The following C11orf54 variants were observed in gnomAD, a reference collection of about 807,000 sequenced individuals.
C11orf54 encodes the protein beta-keto L-gulonate decarboxylase.
In C11orf54, 29 loss-of-function variants were observed where a neutral mutation model predicts 35.5. The ratio of observed to expected loss-of-function variants is 0.82; its 90% confidence interval spans 0.61 to 1.11. The LOEUF (loss-of-function observed/expected upper bound fraction) is 1.11, where lower values mean the gene tolerates loss of function less well. Ranked by LOEUF, C11orf54 falls within the 50% of genes most tolerant of loss-of-function variation. The pLI, the probability that C11orf54 is intolerant of heterozygous loss-of-function variation, is 0.00. For missense variants in C11orf54, 373 were observed against 369.2 expected (o/e 1.01, Z -0.08); for synonymous variants, 108 against 121.1 (o/e 0.89, Z 0.71).
chr11:93,757,210 A>G, intron 6 of C11orf54, 106 bp from the exon 7 acceptor site: 2 of 1,287,344 alleles, frequency 1.6e-6, no homozygotes, highest in South Asian at 1.6e-5. Context: ...GGGGGCTCTA[A>G]GCAAAGAACA....
intron 6 of C11orf54, among the ~76,000 whole-genome samples, chr11:93,756,144 G>A (rs1389972133): frequency 1.5e-5 from 1 of 68,864 alleles, no homozygotes; most frequent in Non-Finnish European, 3.0e-5. Flanking sequence ...TCCAGCCTGG[G>A]CAACAAAGCA....
intron 7 of C11orf54, among the ~76,000 whole-genome samples, chr11:93,758,825 G>C (rs891074824): frequency 6.6e-6 from 1 of 152,242 alleles, no homozygotes; most frequent in Non-Finnish European, 1.5e-5. Context: ...GACAGGTTCC[G>C]GGGCAGAAGG....
chr11:93,763,527 T>C lies in C11orf54; in HGVS notation c.*1839T>C, dbSNP rs1465515047. The C allele has an allele frequency of 6.6e-6, 1 of 152,146 alleles. No homozygotes were observed. The highest frequency in any genetic ancestry group is 1.5e-5 in the Non-Finnish European group (1 of 68,078). 9.4% of individuals were successfully genotyped at this position (152,146 alleles called of 1,614,324 possible). On this transcript the variant is annotated 3_prime_UTR_variant, in exon 9 of 9. Coordinates refer to ENST00000354421, the MANE Select transcript of C11orf54 (RefSeq NM_001286069.2). ...AGGGAGACCAAGGCAGGAGGATCAC[T>C]TGAGGCCAGGAGTTCAAGGCCAGCC... is the stretch of plus-strand genomic sequence containing the variant.
intron 1 of C11orf54, among the ~76,000 whole-genome samples, chr11:93,745,444 TAAC>T (rs1942412146): frequency 6.6e-6 from 1 of 152,182 alleles, no homozygotes; most frequent in South Asian, 2.1e-4. Context: ...AACATATTGT[TAAC>T]AAGGCACATC....
intron 8 of C11orf54, among the ~76,000 whole-genome samples, 185 bp from the exon 9 acceptor site, chr11:93,761,330 G>A (rs565222634): frequency 1.3e-5 from 2 of 152,308 alleles, no homozygotes; most frequent in Admixed American, 6.5e-5. Context: ...GGAGTGAGTG[G>A]TGAGGGCAAG....
At chr11:93,757,770 C>T (rs1459660730) in intron 7 of C11orf54, among the ~76,000 whole-genome samples, 3 of 152,180 alleles carry the variant, frequency 2.0e-5, no homozygotes, top group African/African-American at 7.2e-5. Flanking sequence ...CTCAGCTGAT[C>T]CACCTGTCTC....
At chr11:93,747,595 T>C (rs1030186471) in intron 2 of C11orf54, 147 bp downstream of exon 2, 3 of 462,620 alleles carry the variant, frequency 6.5e-6, no homozygotes, top group Non-Finnish European at 1.1e-5. Flanking sequence ...GAATTCATTT[T>C]CCATTTCAGT....
In C11orf54 at chr11:93,747,545, A is replaced by G. The variant is rs556990113; in HGVS notation, c.55+97A>G. On this transcript the variant is annotated intron_variant, in intron 2 of 8. Transcript: ENST00000354421. ...TCTATCTATATCTTACTACTTATGT[A>G]TATCTATATCTTACTTATCAAAATA... The G allele has an allele frequency of 1.0e-4, 63 of 600,506 alleles. No homozygotes were observed. The African/African-American group carries it at 1.2e-3, about 11-fold the overall frequency. The allele number at this position is 600,506 out of a possible 1,614,324, so 37.2% of individuals were successfully genotyped here.
At position 93,759,777 on chromosome 11, in the gene C11orf54, T is replaced by C. The variant is rs748302157; in HGVS notation, c.693T>C (p.Asp231=). 6.2e-7 allele frequency: 1 copy of C among 1,609,508 alleles called. No individual in the cohort carries two copies. Among genetic ancestry groups the C allele is most frequent in the Middle Eastern group, 1.7e-4 (1 of 6,042 alleles). ...TTTCTTCCTGCCCCTTGAACTCTGA[T>C]GAAGAAGTGAATAAATGGTTGCATT... ...AEFSSCPLNS[D]EEVNKWLHFY... Residue 231 remains aspartate, a synonymous_variant, in exon 8 of 9, where the codon GAT becomes GAC. Transcript: ENST00000354421.
Position 93,747,467 on chromosome 11 carries a change from T to C in C11orf54, c.55+19T>C. 1.3e-6 allele frequency: 2 copies of C among 1,571,632 alleles called. No individual in the cohort carries two copies. The highest frequency in any genetic ancestry group is 1.7e-6 in the Non-Finnish European group (2 of 1,162,382). On this transcript the variant is annotated intron_variant, in intron 2 of 8. Transcript: ENST00000354421. ...GCTGGAGGTAAAAACAATATTAACT[T>C]TGGATTTTTAAAAATTATCCCAAGA...
chr11:93,756,786 T>G (rs1459088568), intron 6 of C11orf54, among the ~76,000 whole-genome samples: 1 of 152,122 alleles, frequency 6.6e-6, no homozygotes, highest in Non-Finnish European at 1.5e-5. Context: ...AGTGTTAGCT[T>G]TTGTGAAGAC....
chr11:93,755,136 GT>G (rs1486442495), intron 5 of C11orf54, 73 bp from the exon 6 acceptor site: 80 of 1,434,624 alleles, frequency 5.6e-5, no homozygotes, highest in Non-Finnish European at 4.8e-5. Flanking sequence ...AGGATTAAAT[GT>G]TTTGTAACAT....
At chr11:93,759,097 GT>G (rs956941533) in intron 7 of C11orf54, among the ~76,000 whole-genome samples, 4 of 152,228 alleles carry the variant, frequency 2.6e-5, no homozygotes, top group African/African-American at 9.6e-5. Context: ...GGAAGTCAGT[GT>G]GGTGATTCCT....
chr11:93,762,026 T>C lies in C11orf54; in HGVS notation c.*338T>C, dbSNP rs1943504700. The stretch of plus-strand genomic sequence containing the variant: ...ATTTCATAGATCTGTCTGAAAGAGA[T>C]TGGGAACAAAAATATCTAATTGAGA... On this transcript the variant is annotated 3_prime_UTR_variant, in exon 9 of 9. Transcript: ENST00000354421. The C allele has an allele frequency of 1.3e-5, 2 of 158,124 alleles. No individual in the cohort carries two copies. The highest frequency in any genetic ancestry group is 4.1e-4 in the South Asian group (2 of 4,894). The allele number at this position is 158,124 out of a possible 1,614,324, so 9.8% of individuals were successfully genotyped here.
rs773249677 is a variant in C11orf54, at chr11:93,750,431, C to G, written c.141C>G (p.Thr47=). 6.2e-7 allele frequency: 1 copy of G among 1,612,948 alleles called. No individual in the cohort carries two copies. Among genetic ancestry groups the G allele is most frequent in the Non-Finnish European group, 8.5e-7 (1 of 1,179,398 alleles). The stretch of plus-strand genomic sequence containing the variant: ...CTGATTTGACTAAGGAACCCTTTAC[C>G]TTTCCTGTAAAAGGTAAGCAATTTT... ...DCPDLTKEPF[T]FPVKGICGKT... Residue 47 remains threonine (T), a synonymous_variant, in exon 3 of 9, where the codon ACC becomes ACG. Coordinates refer to ENST00000354421, the MANE Select transcript of C11orf54 (RefSeq NM_001286069.2).
At chr11:93,749,093 G>A (rs978172907) in intron 2 of C11orf54, among the ~76,000 whole-genome samples, 4 of 148,878 alleles carry the variant, frequency 2.7e-5, no homozygotes, top group East Asian at 2.0e-4. Flanking sequence ...GCAGTAAGCC[G>A]AGATTGCGCC....
chr11:93,749,082 TGCAGTAAG>T (rs1336185230), intron 2 of C11orf54, among the ~76,000 whole-genome samples: 1 of 148,150 alleles, frequency 6.7e-6, no homozygotes, highest in African/African-American at 2.5e-5. Flanking sequence ...AAGCAGAGGT[TGCAGTAAG>T]CCGAGATTGC....
chr11:93,746,763 T>C (rs1942491497), intron 1 of C11orf54: 1 of 152,210 alleles, frequency 6.6e-6, no homozygotes, highest in Non-Finnish European at 1.5e-5. Context: ...AAGGAACTCA[T>C]TTAATTTTTG....
At chr11:93,744,200 T>C (rs1942317985) in intron 1 of C11orf54, among the ~76,000 whole-genome samples, 2 of 152,248 alleles carry the variant, frequency 1.3e-5, no homozygotes, top group African/African-American at 4.8e-5. Flanking sequence ...GAGAGTCCTA[T>C]ATGCACTGTT....
Sources: gnomAD v4.1 joint callset for allele counts (sites outside exome capture counted in the v4.1 genomes callset) on GRCh38, gnomAD v4.1.1 for gene constraint, MANE v1.5 for transcripts, NCBI Gene and HGNC (gene_info 2026-07-23, HGNC 2026-07-21) for gene names.